Variants in CFAP299 observed in about 807,000 individuals in gnomAD.
The protein encoded by CFAP299 is cilia and flagella associated protein 299, also known as cilia- and flagella-associated protein 299.
In CFAP299, 21 loss-of-function variants were observed where a neutral mutation model predicts 27.0. The observed-to-expected ratio is 0.78, with a 90% CI of 0.55 to 1.12. The LOEUF (loss-of-function observed/expected upper bound fraction) is 1.12. Among genes scored for constraint, CFAP299 ranks in the 50% most tolerant of loss-of-function variants. The pLI, the probability that CFAP299 is intolerant of heterozygous loss-of-function variation, is 0.00. For missense variants in CFAP299, 310 were observed against 276.6 expected, an observed-to-expected ratio of 1.12 and a Z score of -0.86; for synonymous variants, 104 against 98.1, an observed-to-expected ratio of 1.06 and a Z score of -0.36.
intron 2 of CFAP299, among the ~76,000 whole-genome samples, chr4:80,477,721 TA>T (rs1458882224): frequency 6.6e-6 from 1 of 152,204 alleles, no homozygotes; most frequent in Non-Finnish European, 1.5e-5. Flanking sequence ...TACCACCTTT[TA>T]AAACTCTCTC....
intron 3 of CFAP299, among the ~76,000 whole-genome samples, chr4:80,844,074 G>A (rs1184181185): frequency 6.6e-6 from 1 of 152,084 alleles, no homozygotes; most frequent in African/African-American, 2.4e-5. Flanking sequence ...CTCTACAAAG[G>A]ACGTGAAGTC....
intron 4 of CFAP299, among the ~76,000 whole-genome samples, chr4:80,923,988 T>C (rs1281918462): frequency 6.6e-5 from 10 of 151,994 alleles, no homozygotes; most frequent in Non-Finnish European, 1.2e-4. Context: ...TTGTAAGCTT[T>C]GAAATGATCT....
intron 2 of CFAP299, among the ~76,000 whole-genome samples, chr4:80,400,297 C>T (rs1726078384): frequency 6.6e-6 from 1 of 152,074 alleles, no homozygotes; most frequent in Non-Finnish European, 1.5e-5. Flanking sequence ...ACGCTCACAA[C>T]TATCTTGATA....
chr4:80,800,822 A>T (rs1352220312), intron 3 of CFAP299, among the ~76,000 whole-genome samples: 1 of 141,904 alleles, frequency 7.0e-6, no homozygotes, highest in African/African-American at 2.8e-5. Flanking sequence ...ATTAACTCAC[A>T]TGATCACAAG....
chr4:80,572,832 T>A (rs1376124923), intron 2 of CFAP299, among the ~76,000 whole-genome samples: 1 of 152,148 alleles, frequency 6.6e-6, no homozygotes, highest in Non-Finnish European at 1.5e-5. Flanking sequence ...TCAGCCTTTT[T>A]ATTCCATATG....
intron 2 of CFAP299, among the ~76,000 whole-genome samples, chr4:80,520,760 T>A (rs1732866569): frequency 6.6e-6 from 1 of 152,226 alleles, no homozygotes; most frequent in Admixed American, 6.5e-5. Flanking sequence ...AAATTGAAAC[T>A]ATAGCTATAT....
intron 2 of CFAP299, among the ~76,000 whole-genome samples, chr4:80,570,861 G>A (rs1326974887): frequency 1.3e-5 from 2 of 152,036 alleles, no homozygotes; most frequent in Non-Finnish European, 2.9e-5. Flanking sequence ...ATTCATACAC[G>A]AGAATACAAT....
At chr4:80,699,281 A>G (rs1254750734) in intron 3 of CFAP299, among the ~76,000 whole-genome samples, 2 of 152,266 alleles carry the variant, frequency 1.3e-5, no homozygotes, top group East Asian at 3.9e-4. Flanking sequence ...TGGGCATAGC[A>G]GACTCCTCTG....
chr4:80,617,453 T>C (rs755023198), intron 3 of CFAP299, among the ~76,000 whole-genome samples: 1 of 152,184 alleles, frequency 6.6e-6, no homozygotes, highest in Non-Finnish European at 1.5e-5. Flanking sequence ...AGAGAATGAA[T>C]GACTTGCTAT....
intron 4 of CFAP299, among the ~76,000 whole-genome samples, chr4:80,878,499 G>A (rs1441038631): frequency 1.3e-5 from 2 of 151,900 alleles, no homozygotes; most frequent in African/African-American, 4.8e-5. Flanking sequence ...TTGACCTGTT[G>A]GTTAAAGAAG....
At chr4:80,747,360 G>GATA (rs1724681834) in intron 3 of CFAP299, among the ~76,000 whole-genome samples, 2 of 152,102 alleles carry the variant, frequency 1.3e-5, no homozygotes, top group African/African-American at 4.8e-5. Flanking sequence ...CACTATTATG[G>GATA]ACACACTATC....
At chr4:80,361,813 T>G (rs1353920505) in intron 1 of CFAP299, among the ~76,000 whole-genome samples, 1 of 152,198 alleles carries the variant, frequency 6.6e-6, no homozygotes, top group Non-Finnish European at 1.5e-5. Context: ...TTAAGTTTTC[T>G]CCTTTAACTG....
intron 2 of CFAP299, among the ~76,000 whole-genome samples, chr4:80,412,157 T>C (rs992008142): frequency 6.6e-6 from 1 of 152,200 alleles, no homozygotes; most frequent in Admixed American, 6.5e-5. Context: ...AGTCCTGTAC[T>C]GTGCTTCCCT....
In CFAP299 at chr4:80,666,744, C is replaced by T. The variant is rs143744760; in HGVS notation, c.333+83561C>T. Among the ~76,000 whole-genome samples the T allele has an allele frequency of 3.3e-3, 507 of 152,254 alleles. 1 individual carries two copies. Among genetic ancestry groups the T allele is most frequent in the Middle Eastern group, 0.014 (4 of 294 alleles). ...AGACTTTCTTGTAACTAAGTCTCTT[C>T]GTGTGACCTACATGCCACCAAATAG... On this transcript the variant is annotated intron_variant, in intron 3 of 5. Coordinates refer to ENST00000358105, the MANE Select transcript of CFAP299 (RefSeq NM_152770.3).
rs548314129 is a variant in CFAP299, at chr4:80,381,909, C to T, written c.242+19025C>T. Among the ~76,000 whole-genome samples, 87 of 151,922 alleles carry T rather than the reference C, an allele frequency of 5.7e-4. 1 individual carries two copies. The Middle Eastern group carries it at 0.01, about 18-fold the overall frequency. ...CCTTTTTCCTTCTACTATCTTCCTT[C>T]TATCTATCAGCTATCTATAGTCTGC... On this transcript the variant is annotated intron_variant, in intron 2 of 5. Transcript: ENST00000358105.
At chr4:80,479,460 A>T (rs1350050203) in intron 2 of CFAP299, among the ~76,000 whole-genome samples, 1 of 152,002 alleles carries the variant, frequency 6.6e-6, no homozygotes, top group African/African-American at 2.4e-5. Flanking sequence ...AATCAAACTG[A>T]AATATGCCAA....
At chr4:80,392,504 A>C (rs1725539502) in intron 2 of CFAP299, among the ~76,000 whole-genome samples, 1 of 152,142 alleles carries the variant, frequency 6.6e-6, no homozygotes, top group Non-Finnish European at 1.5e-5. Context: ...TGCTGTTCTC[A>C]TGATAGTGAG....
intron 3 of CFAP299, among the ~76,000 whole-genome samples, chr4:80,632,626 A>G (rs544292079): frequency 1.3e-5 from 2 of 152,242 alleles, no homozygotes; most frequent in African/African-American, 2.4e-5. Flanking sequence ...TAACTTACAT[A>G]TATATACATA....
At position 80,376,012 on chromosome 4, in the gene CFAP299, C is replaced by T. The variant is rs897270609; in HGVS notation, c.242+13128C>T. ...TTCAATGAGTTCTGACAAATGTATA[C>T]AGTAGTGTCAGTCTCACCACAATCA... On this transcript the variant is annotated intron_variant, in intron 2 of 5. Transcript: ENST00000358105. Among the ~76,000 whole-genome samples the T allele has an allele frequency of 2.6e-5, 4 of 152,158 alleles. No individual in the cohort carries two copies. The East Asian group carries it at 7.7e-4, about 29-fold the overall frequency.
Sources: allele counts gnomAD v4.1 joint callset (sites outside exome capture counted in the v4.1 genomes callset), GRCh38; gene constraint gnomAD v4.1.1; transcripts MANE v1.5; gene names NCBI Gene and HGNC (gene_info 2026-07-23, HGNC 2026-07-21).